AGAP1: variants seen among roughly 807,000 people sequenced by gnomAD.
The protein encoded by AGAP1 is ArfGAP with GTPase domain, ankyrin repeat and PH domain 1, also known as arf-GAP with GTPase, ANK repeat and PH domain-containing protein 1.
A neutral mutation model predicts 105.3 loss-of-function variants in AGAP1; 29 were observed. That is an observed-to-expected ratio of 0.28 (90% confidence interval 0.21 to 0.38). The LOEUF is 0.38. Ranked by LOEUF, AGAP1 falls within the 10% of genes least tolerant of loss-of-function variation. AGAP1 has a pLI of 1.00. For synonymous variants in AGAP1, 509 were observed against 485.9 expected, an observed-to-expected ratio of 1.05 and a Z score of -0.63; for missense variants, 998 against 1,165.1, an observed-to-expected ratio of 0.86 and a Z score of 2.09.
intron 1 of AGAP1, among the ~76,000 whole-genome samples, chr2:235,650,723 AGT>A (rs1947555329): frequency 6.6e-6 from 1 of 152,288 alleles, no homozygotes; most frequent in East Asian, 1.9e-4. Context: ...AGTAGGAAAA[AGT>A]GTGTTTTTTG....
chr2:235,795,281 C>T (rs1019500766), intron 6 of AGAP1, among the ~76,000 whole-genome samples: 2 of 152,200 alleles, frequency 1.3e-5, no homozygotes, highest in Admixed American at 6.5e-5. Context: ...TTAGGGATGT[C>T]TTTAAGTGAG....
At position 235,615,766 on chromosome 2, in the gene AGAP1, A is replaced by G. The variant is rs576669765; in HGVS notation, c.164-93413A>G. On this transcript the variant is annotated intron_variant, in intron 1 of 17. Transcript: ENST00000304032. The surrounding 1 kb of genome is among the most constrained non-coding windows in gnomAD (Gnocchi z 5.0). ...AAAAAATGAATTTTTGAGTGTTCCT[A>G]TATTCTTGGGGATGAACTTCAAGGG... Among the ~76,000 whole-genome samples, 72 of 152,126 alleles carry G rather than the reference A, an allele frequency of 4.7e-4. No individual in the cohort carries two copies. Among genetic ancestry groups the G allele is most frequent in the Non-Finnish European group, 9.7e-4 (66 of 68,024 alleles).
At chr2:235,706,360 G>A (rs1950534034) in intron 1 of AGAP1, among the ~76,000 whole-genome samples, 1 of 152,096 alleles carries the variant, frequency 6.6e-6, no homozygotes, top group South Asian at 2.1e-4. Context: ...GAGTAACTGG[G>A]ACTACAGGCG....
At chr2:235,573,027 C>G in intron 1 of AGAP1, among the ~76,000 whole-genome samples, 2 of 19,158 alleles carry the variant, frequency 1.0e-4, no homozygotes, top group East Asian at 2.5e-3. Context: ...TCTTCTTCTT[C>G]TTCTTCTTCT....
Position 235,973,716 on chromosome 2 carries a change from C to T in AGAP1, c.1645+5093C>T, listed in dbSNP as rs2054747050. ...AGCCTCAAGGAGGTGGATTTTGATT[C>T]TGATATTAAAAGCTCTAGAAAAAGC... On this transcript the variant is annotated intron_variant, in intron 13 of 17. Transcript: ENST00000304032. This position sits in a 1 kb window ranked among gnomAD's most constrained non-coding sequence, Gnocchi z 4.7. 6.6e-6 allele frequency among the ~76,000 whole-genome samples: 1 copy of T among 152,170 alleles called. No individual in the cohort carries two copies.
intron 1 of AGAP1, among the ~76,000 whole-genome samples, chr2:235,650,524 C>T (rs1947546966): frequency 6.6e-6 from 1 of 152,088 alleles, no homozygotes; most frequent in African/African-American, 2.4e-5. Context: ...CAGTTCTGGG[C>T]ACTGGGGATA....
intron 12 of AGAP1, among the ~76,000 whole-genome samples, chr2:235,947,156 A>C (rs1379004178): frequency 6.6e-6 from 1 of 151,994 alleles, no homozygotes; most frequent in Admixed American, 6.6e-5. Context: ...CTGATTTCTG[A>C]GGTTTTGGTG....
At chr2:235,742,654 C>A (rs1952659680) in intron 4 of AGAP1, among the ~76,000 whole-genome samples, 1 of 152,096 alleles carries the variant, frequency 6.6e-6, no homozygotes, top group African/African-American at 2.4e-5. Context: ...ATGTATAGGA[C>A]CGTGTTTGTT....
intron 5 of AGAP1, among the ~76,000 whole-genome samples, chr2:235,749,576 T>A (rs1418937228): frequency 6.7e-6 from 1 of 148,812 alleles, no homozygotes; most frequent in Admixed American, 6.7e-5. Context: ...CCTCTAGGCC[T>A]CACCCCTACA....
At chr2:235,702,048 C>T (rs1206275313) in intron 1 of AGAP1, among the ~76,000 whole-genome samples, 2 of 152,126 alleles carry the variant, frequency 1.3e-5, no homozygotes, top group Non-Finnish European at 2.9e-5. Context: ...TAAAATGTCA[C>T]CTGCAATTTC....
chr2:235,943,015 A>G (rs1381425283), intron 12 of AGAP1, among the ~76,000 whole-genome samples: 2 of 152,220 alleles, frequency 1.3e-5, no homozygotes, highest in Non-Finnish European at 2.9e-5. Flanking sequence ...AGATTTGTCA[A>G]ATATATGTGC....
At chr2:236,004,654 T>G (rs1334409503) in intron 13 of AGAP1, among the ~76,000 whole-genome samples, 1 of 152,194 alleles carries the variant, frequency 6.6e-6, no homozygotes, top group Non-Finnish European at 1.5e-5. Context: ...AGAATATTAG[T>G]TAGCAAACAT....
chr2:235,579,360 C>T (rs760106786), intron 1 of AGAP1, among the ~76,000 whole-genome samples: 6 of 152,150 alleles, frequency 3.9e-5, no homozygotes, highest in Non-Finnish European at 7.3e-5. Flanking sequence ...ACAAAACAAA[C>T]CTTATTTGGG....
chr2:236,077,124 T>C (rs1331132284), intron 16 of AGAP1, among the ~76,000 whole-genome samples: 2 of 42,586 alleles, frequency 4.7e-5, no homozygotes, highest in Admixed American at 2.6e-4. Flanking sequence ...AAAAAAAGAG[T>C]AGAAAAAAAA....
At chr2:235,917,453 CTCCTCTTTCTCTCTCG>C (rs1307293062) in intron 11 of AGAP1, among the ~76,000 whole-genome samples, 1 of 152,172 alleles carries the variant, frequency 6.6e-6, no homozygotes, top group African/African-American at 2.4e-5. Context: ...GCTCTTTCCT[CTCCTCTTTCTCTCTCG>C]TCCTCTTTCT....
chr2:235,806,573 T>A (rs989008284), intron 8 of AGAP1, among the ~76,000 whole-genome samples: 3 of 152,212 alleles, frequency 2.0e-5, no homozygotes, highest in Non-Finnish European at 4.4e-5. Flanking sequence ...TCGGAGATAA[T>A]TGACTCAGGA....
At position 235,721,477 on chromosome 2, in the gene AGAP1, ATGTGTGTGTGTG is replaced by A. The variant is rs57069910; in HGVS notation, c.310+3849_310+3860del. Among the ~76,000 whole-genome samples, 2 of 149,730 alleles carry A rather than the reference ATGTGTGTGTGTG, an allele frequency of 1.3e-5. No homozygotes were observed. Among genetic ancestry groups the A allele is most frequent in the African/African-American group, 4.9e-5 (2 of 40,758 alleles). On this transcript the variant is annotated intron_variant, in intron 3 of 17. Transcript: ENST00000304032. The surrounding 1 kb of genome is among the most constrained non-coding windows in gnomAD (Gnocchi z 4.5). ...TTGGATTGACAGATTCCTTAATATT[ATGTGTGTGTGTG>A]TGTGTGTGTGTGTGTACACCTAGGT... is the stretch of plus-strand genomic sequence containing the variant.
chr2:235,791,206 C>T (rs189812059), intron 6 of AGAP1, among the ~76,000 whole-genome samples: 2 of 152,202 alleles, frequency 1.3e-5, no homozygotes, highest in African/African-American at 4.8e-5. Flanking sequence ...CGAAGTCACA[C>T]ATTCTGAACT....
chr2:235,762,711 T>C (rs1327838619), intron 6 of AGAP1, among the ~76,000 whole-genome samples: 2 of 151,712 alleles, frequency 1.3e-5, no homozygotes, highest in African/African-American at 4.8e-5. Context: ...CTACTGAAAA[T>C]ACAAAAAAGA....
Sources: allele counts gnomAD v4.1 joint callset (sites outside exome capture counted in the v4.1 genomes callset), GRCh38; gene constraint gnomAD v4.1.1; non-coding constraint Gnocchi (gnomAD v3.1); transcripts MANE v1.5; gene names NCBI Gene and HGNC (gene_info 2026-07-23, HGNC 2026-07-21).